LEPROTL1: variants seen among roughly 807,000 people sequenced by gnomAD.
The protein encoded by LEPROTL1 is leptin receptor overlapping transcript like 1.
A neutral mutation model predicts 15.4 loss-of-function variants in LEPROTL1; 6 were observed. That is an observed-to-expected ratio of 0.39 (90% CI 0.21 to 0.77). The LOEUF is 0.77. LEPROTL1 is among the 30% of genes least tolerant of loss of function. The pLI is 0.41. For synonymous variants in LEPROTL1, 56 were observed against 52.6 expected (o/e 1.06, Z -0.28); for missense variants, 128 against 158.1 (o/e 0.81, Z 1.02).
intron 3 of LEPROTL1, among the ~76,000 whole-genome samples, chr8:30,118,817 T>G (rs1194118543): frequency 6.6e-6 from 1 of 152,132 alleles, no homozygotes; most frequent in Non-Finnish European, 1.5e-5. Context: ...ACAAATAAGT[T>G]CAAGGGAAGG....
chr8:30,122,749 CG>C, intron 3 of LEPROTL1, among the ~76,000 whole-genome samples: 1 of 152,240 alleles, frequency 6.6e-6, no homozygotes, highest in Middle Eastern at 3.4e-3. Context: ...GAGCTGAGAT[CG>C]CGCCACTGCA....
intron 3 of LEPROTL1, among the ~76,000 whole-genome samples, chr8:30,125,036 A>G (rs1280989749): frequency 6.6e-6 from 1 of 152,270 alleles, no homozygotes; most frequent in Non-Finnish European, 1.5e-5. Context: ...CAGATTGGCC[A>G]TGAAACTAAA....
intron 1 of LEPROTL1, among the ~76,000 whole-genome samples, chr8:30,097,333 GAAGAT>G (rs10564134): frequency 0.74 from 111,432 of 151,296 alleles, 43,261 homozygotes; most frequent in South Asian, 0.86. Context: ...GGTATGACTG[GAAGAT>G]GAGATGTCAC....
chr8:30,138,103 T>C (rs773963830), downstream of LEPROTL1: 2 of 171,368 alleles, frequency 1.2e-5, no homozygotes, highest in Non-Finnish European at 2.6e-5. Flanking sequence ...CACTGTCAAC[T>C]CACTGGCCTC....
chr8:30,116,845 A>G (rs1802748777), intron 3 of LEPROTL1, among the ~76,000 whole-genome samples: 1 of 152,176 alleles, frequency 6.6e-6, no homozygotes, highest in South Asian at 2.1e-4. Context: ...CTAGGGACCT[A>G]CTACTTGTGA....
chr8:30,110,015 A>G (rs971304994), downstream of LEPROTL1, among the ~76,000 whole-genome samples: 3 of 152,194 alleles, frequency 2.0e-5, no homozygotes, highest in Non-Finnish European at 2.9e-5. Flanking sequence ...CAAGATACTC[A>G]TAGACCTTTG....
At chr8:30,109,032 C>T (rs1230154378), downstream of LEPROTL1, among the ~76,000 whole-genome samples, 2 of 142,174 alleles carry the variant, frequency 1.4e-5, no homozygotes, top group African/African-American at 5.1e-5. Flanking sequence ...CTCAAACCAC[C>T]CCCCCGCCCC....
rs1266754659 is a variant in LEPROTL1 at position 30,118,783 on chromosome 8, CAT to C, written c.280-13591_280-13590del. Among the ~76,000 whole-genome samples the C allele has an allele frequency of 6.6e-5, 10 of 152,162 alleles. 1 individual carries two copies. Among genetic ancestry groups the C allele is most frequent in the Admixed American group, 3.3e-4 (5 of 15,272 alleles). ...AGTGGGGAGAAGGTCAGCAAGAAAACATGTGAGCAAAGGAATCTGTGTCACAA... is the reference window on the plus strand; with the variant it reads ...AGTGGGGAGAAGGTCAGCAAGAAAACGTGAGCAAAGGAATCTGTGTCACAA... On this transcript the variant is annotated intron_variant, in intron 3 of 4. Coordinates refer to the LEPROTL1 transcript ENST00000442880.
At chr8:30,113,615 A>T (rs1415350170) in intron 3 of LEPROTL1, among the ~76,000 whole-genome samples, 1 of 152,154 alleles carries the variant, frequency 6.6e-6, no homozygotes, top group Non-Finnish European at 1.5e-5. Context: ...ACAGGTCTCC[A>T]TCTCACCCTC....
rs562224509 is a variant in LEPROTL1, at chr8:30,107,418, G to A, written c.*1556G>A. 4.9e-4 allele frequency: 487 copies of A among 985,510 alleles called. 1 individual carries two copies. The highest frequency in any genetic ancestry group is 5.6e-4 in the Non-Finnish European group (465 of 829,838). The allele number at this position is 985,510 out of a possible 1,614,324, so 61.0% of individuals were successfully genotyped here. On this transcript the variant is annotated 3_prime_UTR_variant, in exon 4 of 4. Coordinates refer to ENST00000321250, the MANE Select transcript of LEPROTL1 (RefSeq NM_015344.3). ...AGTATACTTACATAAAAATTATTTC[G>A]CCATCAGCCAAAACTCAGTAATCAT...
downstream of LEPROTL1, among the ~76,000 whole-genome samples, chr8:30,109,990 G>A (rs1802631404): frequency 6.6e-6 from 1 of 151,992 alleles, no homozygotes; most frequent in Admixed American, 6.6e-5. Context: ...TTTAATGTTG[G>A]GGTTATTCTG....
chr8:30,132,114 T>C (rs1339063445), intron 3 of LEPROTL1: 2 of 1,551,662 alleles, frequency 1.3e-6, no homozygotes, highest in Admixed American at 3.9e-5. Context: ...AGGTGAGGGT[T>C]CTATAGAACA....
intron 3 of LEPROTL1, chr8:30,131,885 C>T: frequency 6.7e-7 from 1 of 1,485,394 alleles, no homozygotes; most frequent in Non-Finnish European, 9.0e-7. Context: ...ATCGATGCGT[C>T]ATCTGGCACT....
intron 1 of LEPROTL1, among the ~76,000 whole-genome samples, chr8:30,098,448 G>A (rs936070895): frequency 2.0e-5 from 3 of 152,158 alleles, no homozygotes; most frequent in Admixed American, 6.5e-5. Context: ...GTTGGCTTTA[G>A]TATATGGGCT....
chr8:30,131,296 A>ATATATGTG lies in LEPROTL1; in HGVS notation c.280-1078_280-1077insATATGTGT, dbSNP rs367717206. On this transcript the variant is annotated intron_variant, in intron 3 of 4. Coordinates refer to the LEPROTL1 transcript ENST00000442880. The stretch of plus-strand genomic sequence containing the variant: ...TGTGTGTGTATATATATATATATAT[A>ATATATGTG]TGTGTGTGTGTATATATATATATAT... 1.1e-3 allele frequency among the ~76,000 whole-genome samples: 137 copies of ATATATGTG among 123,908 alleles called. 2 individuals carry two copies. Among genetic ancestry groups the ATATATGTG allele is most frequent in the African/African-American group, 2.5e-3 (89 of 36,100 alleles). The allele number at this position is 123,908 out of a possible 152,430, so 81.3% of individuals were successfully genotyped here.
At chr8:30,102,334 A>T (rs1802480355) in intron 2 of LEPROTL1, among the ~76,000 whole-genome samples, 1 of 2,002 alleles carries the variant, frequency 5.0e-4, no homozygotes. Context: ...AAACACAATT[A>T]AAAAAAAAGA....
rs186658057 is a variant in LEPROTL1 at position 30,132,980 on chromosome 8, C to A, written c.394+491C>A. The A allele has an allele frequency of 3.5e-6, 5 of 1,413,530 alleles. No individual in the cohort carries two copies. The Admixed American group carries it at 8.4e-5, about 24-fold the overall frequency. 87.6% of individuals were successfully genotyped at this position (1,413,530 alleles called of 1,614,324 possible). On this transcript the variant is annotated intron_variant, in intron 4 of 4. Transcript: ENST00000442880. ...CTCTCTCTTATTCCAGTCTGTCATA[C>A]ATGATCTCGCAGGAAATAGATAGGT...
intron 3 of LEPROTL1, among the ~76,000 whole-genome samples, chr8:30,128,908 T>G (rs998361114): frequency 6.6e-6 from 1 of 152,004 alleles, no homozygotes; most frequent in South Asian, 2.1e-4. Flanking sequence ...TTTTTTTTTT[T>G]TGAGACAGAG....
At chr8:30,100,023 T>TC (rs1802438091) in intron 1 of LEPROTL1, among the ~76,000 whole-genome samples, 2 of 152,142 alleles carry the variant, frequency 1.3e-5, no homozygotes, top group South Asian at 4.2e-4. Flanking sequence ...TATATTGCAT[T>TC]CCCCTGTAAA....
Sources: allele counts gnomAD v4.1 joint callset (sites outside exome capture counted in the v4.1 genomes callset), GRCh38; gene constraint gnomAD v4.1.1; transcripts MANE v1.5; gene names NCBI Gene and HGNC (gene_info 2026-07-23, HGNC 2026-07-21).